RNF24: variants seen among roughly 807,000 people sequenced by gnomAD.
The protein encoded by RNF24 is ring finger protein 24.
Under a neutral mutation model 20.0 loss-of-function variants are expected in RNF24, and 14 were observed. The observed-to-expected ratio is 0.70, with a 90% CI of 0.46 to 1.10. The LOEUF is 1.10. RNF24 is among the 50% of genes least tolerant of loss of function. The pLI, the probability that RNF24 is intolerant of heterozygous loss-of-function variation, is 0.00. For missense variants in RNF24, 124 were observed against 177.6 expected (o/e 0.70, Z 1.71); for synonymous variants, 45 against 61.1 (o/e 0.74, Z 1.23).
At chr20:3,975,996 AG>A (rs1227895096) in intron 1 of RNF24, among the ~76,000 whole-genome samples, 2 of 152,082 alleles carry the variant, frequency 1.3e-5, no homozygotes, top group African/African-American at 4.8e-5. Context: ...CGTGTTGGTC[AG>A]GCTGGTCTTG....
chr20:3,938,190 C>T (rs1012488798), intron 4 of RNF24, among the ~76,000 whole-genome samples: 6 of 152,046 alleles, frequency 3.9e-5, no homozygotes, highest in African/African-American at 1.2e-4. Flanking sequence ...CTAATGATGC[C>T]GTGCTTATTG....
At chr20:3,992,221 C>G (rs1980506453) in intron 1 of RNF24, among the ~76,000 whole-genome samples, 1 of 152,200 alleles carries the variant, frequency 6.6e-6, no homozygotes, top group African/African-American at 2.4e-5. Flanking sequence ...AGGAAATCTT[C>G]CATGTCTTTG....
chr20:3,986,502 C>T (rs1474781490), intron 1 of RNF24, among the ~76,000 whole-genome samples: 1 of 152,064 alleles, frequency 6.6e-6, no homozygotes, highest in South Asian at 2.1e-4. Flanking sequence ...GTGATCCCCC[C>T]TGCCTTGGCC....
intron 1 of RNF24, among the ~76,000 whole-genome samples, chr20:3,969,595 A>G (rs2091293260): frequency 6.6e-6 from 1 of 152,144 alleles, no homozygotes; most frequent in African/African-American, 2.4e-5. Flanking sequence ...CTTTTAAACA[A>G]GAATTGCCCT....
At chr20:3,972,163 G>C (rs2147005161) in intron 1 of RNF24, among the ~76,000 whole-genome samples, 1 of 152,210 alleles carries the variant, frequency 6.6e-6, no homozygotes, top group South Asian at 2.1e-4. Flanking sequence ...AAAACTGACT[G>C]AACTGAAAGG....
chr20:3,991,130 T>C (rs1187908959), intron 1 of RNF24, among the ~76,000 whole-genome samples: 4 of 152,104 alleles, frequency 2.6e-5, no homozygotes, highest in African/African-American at 7.2e-5. Context: ...CTGTTTATAA[T>C]ATCTTTAGTA....
intron 1 of RNF24, among the ~76,000 whole-genome samples, chr20:4,010,982 A>G (rs1274385480): frequency 1.3e-5 from 2 of 152,228 alleles, no homozygotes; most frequent in East Asian, 3.8e-4. Context: ...ATATTGGGTG[A>G]GATGGGGGGA....
At chr20:3,974,492 TACA>T in intron 1 of RNF24, 1 of 1,219,536 alleles carries the variant, frequency 8.2e-7, no homozygotes. Context: ...CATCAACATC[TACA>T]ACAACAAAAT....
intron 1 of RNF24, among the ~76,000 whole-genome samples, chr20:3,967,653 C>T (rs1175758987): frequency 6.6e-6 from 1 of 152,118 alleles, no homozygotes; most frequent in Non-Finnish European, 1.5e-5. Context: ...GTTCCCTGGA[C>T]AATACCATAT....
chr20:4,001,223 T>C (rs112931236), intron 1 of RNF24, among the ~76,000 whole-genome samples: 2,194 of 152,132 alleles, frequency 0.014, 26 homozygotes, highest in African/African-American at 0.029. Flanking sequence ...GCTGAGATCA[T>C]GCCACTGCAC....
chr20:3,987,576 T>A (rs1980037629), intron 1 of RNF24, among the ~76,000 whole-genome samples: 1 of 152,212 alleles, frequency 6.6e-6, no homozygotes. Flanking sequence ...TTAGTCTACA[T>A]TAAAGACTCA....
chr20:3,967,852 G>A (rs1328732468), intron 1 of RNF24, among the ~76,000 whole-genome samples: 1 of 151,416 alleles, frequency 6.6e-6, no homozygotes, highest in Non-Finnish European at 1.5e-5. Flanking sequence ...AATTAGCTGA[G>A]CGTGGTGACG....
intron 2 of RNF24, among the ~76,000 whole-genome samples, chr20:3,953,184 A>C (rs562979282): frequency 6.6e-6 from 1 of 151,960 alleles, no homozygotes; most frequent in Non-Finnish European, 1.5e-5. Flanking sequence ...ACGGAGTCTC[A>C]CTCTGTCACC....
chr20:3,960,612 G>C (rs1398468903), intron 2 of RNF24, among the ~76,000 whole-genome samples: 1 of 152,018 alleles, frequency 6.6e-6, no homozygotes, highest in Admixed American at 6.6e-5. Context: ...AGCTTGCAGT[G>C]AGCCAAGATT....
chr20:4,002,864 G>T (rs1180791626), intron 1 of RNF24, among the ~76,000 whole-genome samples: 2 of 152,084 alleles, frequency 1.3e-5, no homozygotes, highest in African/African-American at 4.8e-5. Flanking sequence ...ATATAATTCT[G>T]GTGTTCTAAA....
intron 4 of RNF24, among the ~76,000 whole-genome samples, chr20:3,943,821 G>T (rs771400706): frequency 2.6e-5 from 4 of 152,034 alleles, no homozygotes; most frequent in Non-Finnish European, 5.9e-5. Flanking sequence ...TTTCATTTAC[G>T]GTCATCAAAA....
intron 1 of RNF24, among the ~76,000 whole-genome samples, chr20:3,992,728 T>C (rs1263820619): frequency 1.3e-5 from 2 of 152,222 alleles, no homozygotes; most frequent in Non-Finnish European, 2.9e-5. Flanking sequence ...TGGCTTTAAA[T>C]TTCATGGAAA....
chr20:4,005,151 A>C (rs1981750038), intron 1 of RNF24, among the ~76,000 whole-genome samples: 1 of 151,604 alleles, frequency 6.6e-6, no homozygotes, highest in South Asian at 2.1e-4. Context: ...TGAACTTGTA[A>C]ACCTGAACAG....
intron 2 of RNF24, among the ~76,000 whole-genome samples, chr20:3,955,070 T>C (rs2091127407): frequency 6.6e-6 from 1 of 152,186 alleles, no homozygotes; most frequent in Admixed American, 6.5e-5. Context: ...TGTGAAGTGG[T>C]ATCTCATTGT....
Sources: gnomAD v4.1 joint callset for allele counts (sites outside exome capture counted in the v4.1 genomes callset) on GRCh38, gnomAD v4.1.1 for gene constraint, MANE v1.5 for transcripts, NCBI Gene and HGNC (gene_info 2026-07-23, HGNC 2026-07-21) for gene names.